VCL: variants seen among roughly 807,000 people sequenced by gnomAD.
VCL encodes the protein vinculin.
Under a neutral mutation model 125.7 loss-of-function variants are expected in VCL, and 47 were observed. That is an observed-to-expected ratio of 0.37 (90% CI 0.30 to 0.48). VCL has a LOEUF of 0.48. Ranked by LOEUF, VCL falls within the 20% of genes least tolerant of loss-of-function variation. VCL has a pLI of 0.99. For synonymous variants in VCL, 458 were observed against 514.6 expected, an observed-to-expected ratio of 0.89 and a Z score of 1.49; for missense variants, 1,069 against 1,455.5, an observed-to-expected ratio of 0.73 and a Z score of 4.32.
chr10:74,045,259 A>G (rs1431333415), intron 2 of VCL, among the ~76,000 whole-genome samples: 1 of 143,536 alleles, frequency 7.0e-6, no homozygotes, highest in Non-Finnish European at 1.5e-5. Context: ...AGAGAGACAG[A>G]GAGACGGATA....
intron 1 of VCL, among the ~76,000 whole-genome samples, chr10:74,027,268 A>G (rs1840789204): frequency 6.6e-6 from 1 of 151,668 alleles, no homozygotes. Flanking sequence ...GCGTTGACCT[A>G]ATTTCTGTTG....
intron 2 of VCL, among the ~76,000 whole-genome samples, chr10:74,060,124 C>G (rs995695099): frequency 6.6e-6 from 1 of 151,790 alleles, no homozygotes; most frequent in Non-Finnish European, 1.5e-5. Context: ...TAGTGAGACC[C>G]TGTCTCTACA....
chr10:74,089,248 G>C lies in VCL; in HGVS notation c.1075G>C (p.Gly359Arg). 2 of 1,614,120 alleles carry C rather than the reference G, an allele frequency of 1.2e-6. No individual in the cohort carries two copies. Among genetic ancestry groups the C allele is most frequent in the African/African-American group, 2.7e-5 (2 of 75,042 alleles). The change falls in exon 9 of 22, where the codon GGT becomes CGT. Residue 359 changes from glycine to arginine, a missense_variant. By Grantham distance (125) the Gly-to-Arg change is moderately radical (BLOSUM62 -2). This residue lies in a region of VCL where 760 missense variants were observed against 928.9 expected (regional missense o/e 0.82). Transcript: ENST00000211998. ...GCAGAAAGCTCAGCAGGTATCTCAGGGTCTGGATGTGCTCACAGCAAAAGT... is the reference window on the plus strand; with the variant it reads ...GCAGAAAGCTCAGCAGGTATCTCAGCGTCTGGATGTGCTCACAGCAAAAGT... The part of the protein sequence containing the change: ...AMQKAQQVSQ[G>R]LDVLTAKVEN...
chr10:74,039,530 C>T (rs1226398743), intron 1 of VCL, among the ~76,000 whole-genome samples: 1 of 151,852 alleles, frequency 6.6e-6, no homozygotes, highest in Non-Finnish European at 1.5e-5. Flanking sequence ...TGACTGTAAT[C>T]CCAGCAGTTA....
chr10:74,025,315 C>T (rs1840750276), intron 1 of VCL, among the ~76,000 whole-genome samples: 1 of 152,002 alleles, frequency 6.6e-6, no homozygotes, highest in Non-Finnish European at 1.5e-5. Flanking sequence ...GGTGCCTGGC[C>T]CCACTCTTCT....
chr10:74,063,026 CACCACT>C (rs1841504501), intron 2 of VCL, among the ~76,000 whole-genome samples: 1 of 152,122 alleles, frequency 6.6e-6, no homozygotes, highest in African/African-American at 2.4e-5. Context: ...GCCGAGATCG[CACCACT>C]GCACTCCAGC....
chr10:74,005,652 A>G (rs2136223193), intron 1 of VCL, among the ~76,000 whole-genome samples: 1 of 152,312 alleles, frequency 6.6e-6, no homozygotes, highest in Non-Finnish European at 1.5e-5. Flanking sequence ...ATCCGTCGGT[A>G]TCCATGGGGG....
At chr10:74,099,517 C>CT (rs1333526013) in intron 13 of VCL, among the ~76,000 whole-genome samples, 1 of 152,096 alleles carries the variant, frequency 6.6e-6, no homozygotes, top group Admixed American at 6.6e-5. Flanking sequence ...TTTTCGAGTG[C>CT]TTTTTTCTCA....
intron 20 of VCL, 102 bp downstream of exon 20, chr10:74,114,489 G>C (rs1840282828): frequency 7.2e-7 from 1 of 1,394,234 alleles, no homozygotes; most frequent in African/African-American, 1.4e-5. Flanking sequence ...AAGCAGGAGA[G>C]AAAAACTAGG....
intron 1 of VCL, among the ~76,000 whole-genome samples, chr10:74,013,385 A>C (rs529264502): frequency 1.3e-5 from 2 of 152,178 alleles, no homozygotes; most frequent in Admixed American, 1.3e-4. Flanking sequence ...GCACAGGATT[A>C]TACAGAATAT....
In VCL at chr10:74,114,880, G is replaced by T; in HGVS notation, c.3239G>T (p.Ser1080Ile). ...KATMLGRTNI[S>I]DEESEQATEM... ...ACCATGCTGGGCCGGACCAACATCA[G>T]TGATGAGGAGTCTGAGCAGGTATGT... The change falls in exon 21 of 22, where the codon AGT becomes ATT. Residue 1080 changes from serine to isoleucine, a missense_variant. This residue lies in a region of VCL where 91 missense variants were observed against 203.9 expected (regional missense o/e 0.45). Transcript: ENST00000211998. The T allele has an allele frequency of 6.3e-7, 1 of 1,597,512 alleles. No individual in the cohort carries two copies. The highest frequency in any genetic ancestry group is 8.5e-7 in the Non-Finnish European group (1 of 1,172,186).
chr10:74,000,341 G>A, intron 1 of VCL, among the ~76,000 whole-genome samples: 1 of 144,392 alleles, frequency 6.9e-6, no homozygotes, highest in Non-Finnish European at 1.5e-5. Flanking sequence ...ATAGCTCACT[G>A]CAGCCTCCAT....
At position 74,064,571 on chromosome 10, in the gene VCL, A is replaced by G. The variant is rs118097338; in HGVS notation, c.240-6099A>G. Among the ~76,000 whole-genome samples, 350 of 152,116 alleles carry G rather than the reference A, an allele frequency of 2.3e-3. 1 individual carries two copies. Among genetic ancestry groups the G allele is most frequent in the Admixed American group, 6.9e-3 (105 of 15,266 alleles). ...CAGGTGTGAGCCACCGTGCCTGCCT[A>G]TCTTTTTAAAATTTTTAGTAGAGAT... On this transcript the variant is annotated intron_variant, in intron 2 of 21. Transcript: ENST00000211998.
intron 1 of VCL, among the ~76,000 whole-genome samples, chr10:74,000,921 T>C (rs945654157): frequency 2.6e-5 from 4 of 152,116 alleles, no homozygotes; most frequent in Non-Finnish European, 1.5e-5. Flanking sequence ...AGAGACAAAG[T>C]AGGGAGGATT....
chr10:74,043,620 T>C lies in VCL; in HGVS notation c.239+467T>C, dbSNP rs1022113762. Among the ~76,000 whole-genome samples, 4 of 151,938 alleles carry C rather than the reference T, an allele frequency of 2.6e-5. No individual in the cohort carries two copies. The South Asian group carries it at 6.3e-4, about 24-fold the overall frequency. The stretch of plus-strand genomic sequence containing the variant: ...CCTTGGCCTCCCAAAGTGCTGGGAT[T>C]ATAGGCGTGAGCCACTGTACCTGGC... On this transcript the variant is annotated intron_variant, in intron 2 of 21. Transcript: ENST00000211998.
intron 1 of VCL, among the ~76,000 whole-genome samples, chr10:74,007,605 C>A (rs1390147348): frequency 6.6e-6 from 1 of 152,110 alleles, no homozygotes; most frequent in Non-Finnish European, 1.5e-5. Flanking sequence ...AAGTGATTCT[C>A]CTGCCTCAGC....
intron 14 of VCL, among the ~76,000 whole-genome samples, chr10:74,103,533 A>G (rs1011859736): frequency 1.4e-4 from 22 of 152,210 alleles, no homozygotes; most frequent in African/African-American, 4.8e-4. Context: ...GTTTAAACAT[A>G]TGCCAGTTTT....
At chr10:74,067,384 A>G (rs1261336775) in intron 2 of VCL, among the ~76,000 whole-genome samples, 1 of 149,666 alleles carries the variant, frequency 6.7e-6, no homozygotes, top group Non-Finnish European at 1.5e-5. Flanking sequence ...TATTTAAAAA[A>G]AAAAAAAGAT....
At chr10:74,103,966 G>A (rs370370497) in intron 15 of VCL, 38 bp downstream of exon 15, 25 of 1,594,740 alleles carry the variant, frequency 1.6e-5, no homozygotes, top group African/African-American at 4.0e-5. Flanking sequence ...TCTAATCCAT[G>A]AAGAATGAGT....
Sources: allele counts gnomAD v4.1 joint callset (sites outside exome capture counted in the v4.1 genomes callset), GRCh38; gene constraint gnomAD v4.1.1; regional missense constraint gnomAD v4.1.1; transcripts MANE v1.5; gene names NCBI Gene and HGNC (gene_info 2026-07-23, HGNC 2026-07-21).